Variants in PCNX2 observed in about 807,000 individuals in gnomAD.
PCNX2 encodes pecanex 2.
A neutral mutation model predicts 223.8 loss-of-function variants in PCNX2; 168 were observed. That is an observed-to-expected ratio of 0.75 (90% CI 0.66 to 0.85). The LOEUF is 0.85. Among genes scored for constraint, PCNX2 ranks in the 40% least tolerant of loss-of-function variants. The pLI is 0.00. For synonymous variants in PCNX2, 1,006 were observed against 1,052.6 expected (o/e 0.96, Z 0.86); for missense variants, 2,507 against 2,675.5 (o/e 0.94, Z 1.39).
At chr1:233,302,108 A>G in the PCNX2 span, among the ~76,000 whole-genome samples, 1 of 152,154 alleles carries the variant, frequency 6.6e-6, no homozygotes, top group Admixed American at 6.6e-5. Context: ...CAAGCAATTG[A>G]AAAGAGAGAA....
chr1:233,025,097 G>A (rs1198426058), intron 26 of PCNX2, 49 bp downstream of exon 26: 1 of 1,602,414 alleles, frequency 6.2e-7, no homozygotes, highest in South Asian at 1.1e-5. Flanking sequence ...GGAGCTTCCT[G>A]TGCCATCCTA....
At chr1:233,053,027 C>T (rs1303068944) in intron 25 of PCNX2, among the ~76,000 whole-genome samples, 4 of 151,788 alleles carry the variant, frequency 2.6e-5, no homozygotes, top group South Asian at 2.1e-4. Flanking sequence ...GGTTTCCCTG[C>T]TTCTACTTTT....
At chr1:233,128,427 G>A (rs887261415) in intron 21 of PCNX2, among the ~76,000 whole-genome samples, 1 of 151,928 alleles carries the variant, frequency 6.6e-6, no homozygotes, top group Non-Finnish European at 1.5e-5. Flanking sequence ...CTCCGCCTCT[G>A]GGGTGCAAGC....
At chr1:233,238,181 T>C (rs1658533512) in intron 8 of PCNX2, among the ~76,000 whole-genome samples, 1 of 152,204 alleles carries the variant, frequency 6.6e-6, no homozygotes, top group Non-Finnish European at 1.5e-5. Flanking sequence ...GTGCAGCCCA[T>C]TTTATTACAG....
At chr1:233,267,270 TC>T (rs1558408694) in intron 1 of PCNX2, among the ~76,000 whole-genome samples, 7 of 151,986 alleles carry the variant, frequency 4.6e-5, no homozygotes, top group African/African-American at 1.7e-4. Context: ...TGAGCCAAGA[TC>T]GCACGCACCA....
chr1:233,177,801 C>A lies in PCNX2; in HGVS notation c.3273+1G>T. On this transcript the variant is annotated splice_donor_variant, in intron 17 of 33. Coordinates refer to ENST00000258229, the MANE Select transcript of PCNX2 (RefSeq NM_014801.4). LOFTEE classifies it high-confidence loss of function. ...TACATTACACAACGCAAATGTCTCACCACTGAATCTTTCATCTTCTTGGGG... is the reference window on the plus strand; with the variant it reads ...TACATTACACAACGCAAATGTCTCAACACTGAATCTTTCATCTTCTTGGGG... The A allele has an allele frequency of 6.2e-7, 1 of 1,611,316 alleles. No homozygotes were observed. Among genetic ancestry groups the A allele is most frequent in the Non-Finnish European group, 8.5e-7 (1 of 1,177,514 alleles).
intron 13 of PCNX2, among the ~76,000 whole-genome samples, chr1:233,205,323 A>G (rs952206512): frequency 1.5e-4 from 23 of 152,230 alleles, no homozygotes; most frequent in African/African-American, 5.3e-4. Flanking sequence ...AACGGTCCAA[A>G]TGGACTATAG....
chr1:233,273,976 T>A (rs1157124624), intron 1 of PCNX2, among the ~76,000 whole-genome samples: 4 of 152,196 alleles, frequency 2.6e-5, no homozygotes, highest in African/African-American at 9.7e-5. Context: ...GTTTAGCTTC[T>A]CTGGCTCCCA....
At chr1:233,070,526 G>A (rs1255032967) in intron 23 of PCNX2, among the ~76,000 whole-genome samples, 1 of 151,888 alleles carries the variant, frequency 6.6e-6, no homozygotes, top group East Asian at 1.9e-4. Context: ...TGACAATGTG[G>A]GTTTATTCCA....
rs760570395 is a variant in PCNX2, at chr1:232,998,438, C to T, written c.5604G>A (p.Arg1868=). The change falls in exon 32 of 34, where the codon AGG becomes AGA. Residue 1868 remains arginine, a splice_region_variant and synonymous_variant. Transcript: ENST00000258229. ...GGCGGGCATTGCAATCCTTCCGCAT[C>T]CTGTGGGAGGGAGAAGTCCTTTGAG... ...IRTWFWTKWV[R]MRKDCNARQH... 11 of 1,611,198 alleles carry T rather than the reference C, an allele frequency of 6.8e-6. No homozygotes were observed. Among genetic ancestry groups the T allele is most frequent in the Non-Finnish European group, 9.3e-6 (11 of 1,179,158 alleles).
intron 21 of PCNX2, among the ~76,000 whole-genome samples, chr1:233,122,535 T>C (rs1025931667): frequency 4.0e-5 from 6 of 151,660 alleles, no homozygotes; most frequent in Non-Finnish European, 7.4e-5. Flanking sequence ...ATCTTTTTTT[T>C]TTTTTGAGAT....
At chr1:233,121,545 AGTT>A (rs1180528940) in intron 21 of PCNX2, among the ~76,000 whole-genome samples, 1 of 152,322 alleles carries the variant, frequency 6.6e-6, no homozygotes, top group East Asian at 1.9e-4. Flanking sequence ...ATGGTCAACT[AGTT>A]GTTGTTAAGG....
In PCNX2 at chr1:233,035,008, A is replaced by G. The variant is rs115513173; in HGVS notation, c.4352-9609T>C. Among the ~76,000 whole-genome samples the G allele has an allele frequency of 3.2e-3, 493 of 152,342 alleles. 2 individuals are homozygous for G. The highest frequency in any genetic ancestry group is 0.011 in the African/African-American group (471 of 41,578). ...CAGACCAGCGATGGGGAAACCAGCC[A>G]CCCACAGTCTCATTTCAGGGACAAA... On this transcript the variant is annotated intron_variant, in intron 25 of 33. Transcript: ENST00000258229.
chr1:233,089,688 G>T (rs1673772860), intron 23 of PCNX2, among the ~76,000 whole-genome samples: 1 of 152,150 alleles, frequency 6.6e-6, no homozygotes, highest in South Asian at 2.1e-4. Context: ...CTCACAGAAG[G>T]GATGCTACAG....
At chr1:233,067,451 T>C (rs565976335) in intron 23 of PCNX2, among the ~76,000 whole-genome samples, 8 of 87,486 alleles carry the variant, frequency 9.1e-5, no homozygotes, top group African/African-American at 3.1e-4. Context: ...AATCAAATAA[T>C]AATTTTACAA....
At chr1:233,002,881 C>T in intron 28 of PCNX2, among the ~76,000 whole-genome samples, 1 of 152,072 alleles carries the variant, frequency 6.6e-6, no homozygotes, top group Non-Finnish European at 1.5e-5. Flanking sequence ...CTTTGACAAA[C>T]CTGACAAAAA....
At chr1:233,088,164 T>A (rs1384369974) in intron 23 of PCNX2, among the ~76,000 whole-genome samples, 2 of 152,142 alleles carry the variant, frequency 1.3e-5, no homozygotes, top group Non-Finnish European at 2.9e-5. Context: ...TATGCCTCCC[T>A]CCAATGTCAT....
chr1:233,217,306 AC>A (rs1415967423), intron 12 of PCNX2, among the ~76,000 whole-genome samples: 1 of 152,216 alleles, frequency 6.6e-6, no homozygotes, highest in Non-Finnish European at 1.5e-5. Flanking sequence ...ATATATCAAA[AC>A]ATCACCCTGT....
chr1:233,304,520 A>G, the PCNX2 span, among the ~76,000 whole-genome samples: 4 of 152,242 alleles, frequency 2.6e-5, no homozygotes, highest in Admixed American at 2.0e-4. Context: ...AAAATAAATT[A>G]CATCTTTTGG....
Sources: gnomAD v4.1 joint callset for allele counts (sites outside exome capture counted in the v4.1 genomes callset) on GRCh38, gnomAD v4.1.1 for gene constraint, MANE v1.5 for transcripts, NCBI Gene and HGNC (gene_info 2026-07-23, HGNC 2026-07-21) for gene names.